The following ELMO1 variants were observed in gnomAD, a reference collection of about 807,000 sequenced individuals.
ELMO1 encodes engulfment and cell motility 1.
A neutral mutation model predicts 98.9 loss-of-function variants in ELMO1; 26 were observed. The observed-to-expected ratio is 0.26, with a 90% CI of 0.19 to 0.36. ELMO1 has a LOEUF of 0.36. Among genes scored for constraint, ELMO1 ranks in the 10% least tolerant of loss-of-function variants. The pLI is 1.00. For synonymous variants in ELMO1, 346 were observed against 346.0 expected (o/e 1.00, Z 0.00); for missense variants, 627 against 935.2 (o/e 0.67, Z 4.30).
chr7:37,012,295 C>G (rs1436018911), intron 16 of ELMO1, among the ~76,000 whole-genome samples: 2 of 152,090 alleles, frequency 1.3e-5, no homozygotes, highest in African/African-American at 4.8e-5. Context: ...AGATGTATAT[C>G]CAGGGAGAAG....
At chr7:37,180,328 A>C (rs1790767926) in intron 13 of ELMO1, among the ~76,000 whole-genome samples, 1 of 152,190 alleles carries the variant, frequency 6.6e-6, no homozygotes, top group African/African-American at 2.4e-5. Flanking sequence ...GCATGTGGAA[A>C]TCAGGACCCA....
At chr7:37,233,044 G>T in intron 8 of ELMO1, 51 bp downstream of exon 8, 8 of 1,456,292 alleles carry the variant, frequency 5.5e-6, no homozygotes, top group Non-Finnish European at 6.6e-6. Context: ...GAGAAAAATA[G>T]CTATGACAGA....
Position 36,865,590 on chromosome 7 carries a change from T to G in ELMO1, c.1906-3854A>C, listed in dbSNP as rs62447522. Among the ~76,000 whole-genome samples the G allele has an allele frequency of 7.6e-3, 1,163 of 152,352 alleles. 9 individuals are homozygous for G. Among genetic ancestry groups the G allele is most frequent in the Non-Finnish European group, 0.011 (718 of 68,036 alleles). On this transcript the variant is annotated intron_variant, in intron 20 of 21. Transcript: ENST00000310758. ...CTTTTCACATGAGCAAAGGCCCTTG[T>G]GCCTTTTCAGACTTTTTCCTCCTTT...
intron 13 of ELMO1, among the ~76,000 whole-genome samples, chr7:37,210,162 C>G (rs1164350813): frequency 1.3e-5 from 2 of 151,920 alleles, no homozygotes; most frequent in African/African-American, 4.8e-5. Context: ...TAGACAGTAT[C>G]AAAAGCCTTG....
chr7:36,929,809 C>T (rs1279468932), intron 16 of ELMO1, among the ~76,000 whole-genome samples: 2 of 152,150 alleles, frequency 1.3e-5, no homozygotes, highest in Non-Finnish European at 2.9e-5. Flanking sequence ...AACCATTACT[C>T]CCAAGTGAGT....
chr7:36,982,082 T>C (rs1328558339), intron 16 of ELMO1, among the ~76,000 whole-genome samples: 1 of 152,200 alleles, frequency 6.6e-6, no homozygotes, highest in Admixed American at 6.5e-5. Flanking sequence ...GCAGCTGAAT[T>C]GTAAATTTTA....
At chr7:37,121,790 T>A (rs1389596193) in intron 14 of ELMO1, among the ~76,000 whole-genome samples, 1 of 152,018 alleles carries the variant, frequency 6.6e-6, no homozygotes, top group Non-Finnish European at 1.5e-5. Context: ...ACAAAGATAC[T>A]CCTCGAGAAG....
At chr7:37,123,082 AC>A (rs1438732749) in intron 14 of ELMO1, among the ~76,000 whole-genome samples, 1 of 151,726 alleles carries the variant, frequency 6.6e-6, no homozygotes, top group African/African-American at 2.4e-5. Context: ...GTTCTTTGAA[AC>A]CAGTGAGAAC....
intron 1 of ELMO1, among the ~76,000 whole-genome samples, chr7:37,420,112 GAGTCAA>G (rs1804406978): frequency 6.6e-6 from 1 of 152,178 alleles, no homozygotes; most frequent in African/African-American, 2.4e-5. Context: ...TAAGGCCCCT[GAGTCAA>G]AGCACAGGAC....
chr7:37,282,929 G>A (rs1797214811), intron 4 of ELMO1, among the ~76,000 whole-genome samples: 1 of 152,132 alleles, frequency 6.6e-6, no homozygotes. Context: ...CAGATATCCT[G>A]TACCAAATTC....
At chr7:37,183,200 A>T (rs1300203924) in intron 13 of ELMO1, among the ~76,000 whole-genome samples, 1 of 106,002 alleles carries the variant, frequency 9.4e-6, no homozygotes, top group Non-Finnish European at 2.4e-5. Context: ...GCACAGAAGG[A>T]GAAGGAGGAA....
intron 6 of ELMO1, among the ~76,000 whole-genome samples, chr7:37,244,850 G>A (rs993571207): frequency 2.6e-5 from 4 of 152,152 alleles, no homozygotes; most frequent in African/African-American, 9.7e-5. Context: ...GGCTTCTTCT[G>A]TGGGAAGATG....
At chr7:37,327,099 C>T (rs1024143713) in intron 2 of ELMO1, among the ~76,000 whole-genome samples, 1 of 152,216 alleles carries the variant, frequency 6.6e-6, no homozygotes, top group Non-Finnish European at 1.5e-5. Flanking sequence ...ATATTGTCTT[C>T]AAACTTCCTT....
At chr7:37,090,659 T>A (rs1023094671) in intron 15 of ELMO1, among the ~76,000 whole-genome samples, 1 of 152,206 alleles carries the variant, frequency 6.6e-6, no homozygotes, top group African/African-American at 2.4e-5. Flanking sequence ...TATCTCTTTG[T>A]CTTTGTGAAC....
intron 10 of ELMO1, among the ~76,000 whole-genome samples, chr7:37,218,246 T>C (rs1304574127): frequency 6.6e-6 from 1 of 152,184 alleles, no homozygotes; most frequent in Non-Finnish European, 1.5e-5. Context: ...TATCAGTCTA[T>C]AAAATTTAAA....
At chr7:37,289,040 C>T (rs1797542908) in intron 4 of ELMO1, among the ~76,000 whole-genome samples, 1 of 152,174 alleles carries the variant, frequency 6.6e-6, no homozygotes, top group Admixed American at 6.5e-5. Flanking sequence ...CTGTCAGTTT[C>T]CACACCCAAA....
intron 1 of ELMO1, among the ~76,000 whole-genome samples, chr7:37,384,862 G>A (rs1802729953): frequency 6.6e-6 from 1 of 152,156 alleles, no homozygotes; most frequent in African/African-American, 2.4e-5. Flanking sequence ...AGCAACGGTT[G>A]TACACACAAA....
chr7:37,195,714 G>A (rs542399051), intron 13 of ELMO1, among the ~76,000 whole-genome samples: 4 of 152,312 alleles, frequency 2.6e-5, no homozygotes, highest in Non-Finnish European at 4.4e-5. Flanking sequence ...GGTCCCAGAC[G>A]GACCACCTCC....
chr7:37,041,021 G>A (rs748696874), intron 15 of ELMO1, among the ~76,000 whole-genome samples: 3 of 151,986 alleles, frequency 2.0e-5, no homozygotes, highest in Non-Finnish European at 4.4e-5. Context: ...CAGAGGTTGC[G>A]GTGAGCCGAG....
Sources: allele counts gnomAD v4.1 joint callset (sites outside exome capture counted in the v4.1 genomes callset), GRCh38; gene constraint gnomAD v4.1.1; transcripts MANE v1.5; gene names NCBI Gene and HGNC (gene_info 2026-07-23, HGNC 2026-07-21).